ZFYVE26: variants seen among roughly 807,000 people sequenced by gnomAD.
ZFYVE26 encodes the protein zinc finger FYVE-type containing 26, also known as zinc finger FYVE domain-containing protein 26.
In ZFYVE26, 181 loss-of-function variants were observed where a neutral mutation model predicts 276.5. The ratio of observed to expected loss-of-function variants is 0.65; its 90% CI spans 0.58 to 0.74. ZFYVE26 has a LOEUF of 0.74. Among genes scored for constraint, ZFYVE26 ranks in the 30% least tolerant of loss-of-function variants. ZFYVE26 has a pLI of 0.00. For synonymous variants in ZFYVE26, 1,129 were observed against 1,203.1 expected (o/e 0.94, Z 1.27); for missense variants, 2,821 against 3,097.9 (o/e 0.91, Z 2.12).
intron 22 of ZFYVE26, 67 bp downstream of exon 22, chr14:67,781,265 TA>T: frequency 6.4e-7 from 1 of 1,565,750 alleles, no homozygotes. Context: ...CCCCATCATA[TA>T]AGATAGGTTG....
chr14:67,741,286 C>A (rs1271885729), intron 13 of ZFYVE26, among the ~76,000 whole-genome samples: 1 of 152,156 alleles, frequency 6.6e-6, no homozygotes, highest in Non-Finnish European at 1.5e-5. Context: ...GCACTGAGTT[C>A]CAGAGCCTTA....
At position 67,767,756 on chromosome 14, in the gene ZFYVE26, T is replaced by A; in HGVS notation, c.5738A>T (p.Asp1913Val). The A allele has an allele frequency of 6.2e-7, 1 of 1,614,188 alleles. No individual in the cohort carries two copies. The highest frequency in any genetic ancestry group is 8.5e-7 in the Non-Finnish European group (1 of 1,180,050). The change falls in exon 31 of 42, where the codon GAT becomes GTT. Residue 1913 changes from aspartate to valine, a missense_variant. Coordinates refer to ENST00000347230, the MANE Select transcript of ZFYVE26 (RefSeq NM_015346.4). ...CAGCTCATTTTCCTCCTCTTTGAGA[T>A]CCAAAATCCATTCCACCTCATCTGC... Reference protein sequence around the residue: ...PKADEVEWILDLKEEENELVR... With the variant: ...PKADEVEWILVLKEEENELVR...
intron 23 of ZFYVE26, among the ~76,000 whole-genome samples, chr14:67,779,198 G>A (rs1485047196): frequency 6.6e-6 from 1 of 151,966 alleles, no homozygotes. Context: ...AAATTTATTA[G>A]TTATCATGTA....
At chr14:67,759,619 G>C (rs1347272290) in intron 35 of ZFYVE26, among the ~76,000 whole-genome samples, 3 of 2,830 alleles carry the variant, frequency 1.1e-3, no homozygotes, top group Non-Finnish European at 2.6e-3. Flanking sequence ...CAAGACTCTG[G>C]CTCAAAAAAA....
intron 13 of ZFYVE26, among the ~76,000 whole-genome samples, chr14:67,740,961 C>T (rs1049479186): frequency 1.3e-5 from 2 of 151,856 alleles, no homozygotes; most frequent in Admixed American, 1.3e-4. Flanking sequence ...TTAAAGACTC[C>T]ATAGACAAAT....
At chr14:67,804,512 T>C (rs1252775474) in intron 8 of ZFYVE26, among the ~76,000 whole-genome samples, 2 of 152,100 alleles carry the variant, frequency 1.3e-5, no homozygotes, top group African/African-American at 2.4e-5. Flanking sequence ...ATCAGTAGGG[T>C]CTAGAAAGGT....
chr14:67,732,977 G>T (rs2038303590), intron 13 of ZFYVE26, among the ~76,000 whole-genome samples: 1 of 152,074 alleles, frequency 6.6e-6, no homozygotes, highest in Non-Finnish European at 1.5e-5. Flanking sequence ...CAAAAAACAT[G>T]GGGGGAGCGG....
In ZFYVE26 at chr14:67,782,193, G is replaced by A. The variant is rs2039518430; in HGVS notation, c.4372+587C>T. Among the ~76,000 whole-genome samples, 3 of 152,236 alleles carry A rather than the reference G, an allele frequency of 2.0e-5. No homozygotes were observed. In the South Asian group the frequency reaches 6.2e-4, roughly 32 times the overall value. ...GCAACACTGCTAGGAAATCCTAGTAGTGTTACAGCTCATTGGCTTTCCACT... is the reference window on the plus strand; with the variant it reads ...GCAACACTGCTAGGAAATCCTAGTAATGTTACAGCTCATTGGCTTTCCACT... On this transcript the variant is annotated intron_variant, in intron 21 of 41. Transcript: ENST00000347230.
rs199845933 is a variant in ZFYVE26, at chr14:67,785,124, C to T, written c.3458G>A (p.Gly1153Asp). Residue 1153 changes from glycine (G) to aspartate (D), a missense_variant, in exon 19 of 42, where the codon GGC becomes GAC. Transcript: ENST00000347230. The part of the protein sequence containing the change: ...PSGSRQMDYL[G>D]TFFSYCSTLA... ...GGTGCTGCAGTAACTGAAGAAGGTG[C>T]CCAAGTAGTCCATCTGCCTGCTGCC... 1.5e-5 allele frequency: 24 copies of T among 1,614,074 alleles called. No homozygotes were observed. In the East Asian group the frequency reaches 2.5e-4, roughly 16 times the overall value.
Position 67,807,888 on chromosome 14 carries a change from T to C in ZFYVE26, c.396A>G (p.Val132=). Reference sequence around the variant, plus strand: ...TTGGATTTCCGTCAGGCACGTGGCCTACTGCACCCTGTGTTAAGGTCTCAT... The same window carrying C: ...TTGGATTTCCGTCAGGCACGTGGCCCACTGCACCCTGTGTTAAGGTCTCAT... ...ELYETLTQGA[V]GHVPDGNPRR... Residue 132 remains valine (V), a synonymous_variant, in exon 5 of 42, where the codon GTA becomes GTG. Transcript: ENST00000347230. The C allele has an allele frequency of 6.2e-7, 1 of 1,614,162 alleles. No homozygotes were observed. The highest frequency in any genetic ancestry group is 1.1e-5 in the South Asian group (1 of 91,078).
intron 5 of ZFYVE26, 84 bp downstream of exon 5, chr14:67,807,314 G>A (rs776475561): frequency 1.6e-5 from 25 of 1,585,214 alleles, no homozygotes; most frequent in South Asian, 3.4e-5. Flanking sequence ...TGAGCCACAC[G>A]GAAGGCAGCA....
At position 67,762,677 on chromosome 14, in the gene ZFYVE26, C is replaced by T. The variant is rs201273304; in HGVS notation, c.6154G>A (p.Val2052Ile). 466 of 1,613,658 alleles carry T rather than the reference C, an allele frequency of 2.9e-4. No individual in the cohort carries two copies. The highest frequency in any genetic ancestry group is 3.7e-4 in the Non-Finnish European group (439 of 1,180,042). Residue 2052 changes from valine to isoleucine, a missense_variant, in exon 33 of 42, where the codon GTT becomes ATT. By Grantham distance (29) the Val-to-Ile change is conservative. Transcript: ENST00000347230. ...LLEAEYYQLG[V>I]EVSTKTGLDT... Reference sequence around the variant, plus strand: ...TGTCTTTGTCTTTGTCTCACCTCAACGCCCAGTTGGTAGTACTCGGCTTCC... The same window carrying T: ...TGTCTTTGTCTTTGTCTCACCTCAATGCCCAGTTGGTAGTACTCGGCTTCC...
intron 13 of ZFYVE26, chr14:67,734,133 G>T: frequency 2.9e-6 from 1 of 339,460 alleles, no homozygotes. Context: ...GCTGGGCATG[G>T]GGGTGGCAGA....
chr14:67,738,873 G>A (rs1397428658), intron 13 of ZFYVE26, among the ~76,000 whole-genome samples: 2 of 152,024 alleles, frequency 1.3e-5, no homozygotes, highest in South Asian at 2.1e-4. Flanking sequence ...TTAACTGATC[G>A]CAGTTGTTCT....
Position 67,811,840 on chromosome 14 carries a change from A to C in ZFYVE26, c.273+2146T>G, listed in dbSNP as rs147145820. On this transcript the variant is annotated intron_variant, in intron 3 of 41. Transcript: ENST00000347230. ...AATTGGTGTATTTAGTTACATATGA[A>C]ATATATAATATATAACATATATGAA... Among the ~76,000 whole-genome samples the C allele has an allele frequency of 3.0e-3, 435 of 147,264 alleles. 11 individuals are homozygous for C. The East Asian group carries it at 0.074, about 25-fold the overall frequency.
At chr14:67,769,499 T>G in intron 29 of ZFYVE26, 95 bp downstream of exon 29, 1 of 1,562,096 alleles carries the variant, frequency 6.4e-7, no homozygotes, top group Non-Finnish European at 8.8e-7. Flanking sequence ...TTTCTGGATT[T>G]GAAATGCTCT....
chr14:67,757,664 TTCTTTCTTTCTTTCTTTC>T (rs992406717), intron 35 of ZFYVE26, among the ~76,000 whole-genome samples: 10 of 138,966 alleles, frequency 7.2e-5, no homozygotes, highest in Admixed American at 2.7e-4. Context: ...CTTTCTTTCT[TTCTTTCTTTCTTTCTTTC>T]TCTCTCTCTT....
rs147864840 is a variant in ZFYVE26 at position 67,783,678 on chromosome 14, C to T, written c.3627-153G>A. The stretch of plus-strand genomic sequence containing the variant: ...AAAACACAAAAAGTAGCCTATTAGA[C>T]ATATCGCTCTGCCCTTTATGTTTTC... On this transcript the variant is annotated intron_variant, in intron 20 of 41. Coordinates refer to ENST00000347230, the MANE Select transcript of ZFYVE26 (RefSeq NM_015346.4). 1.8e-3 allele frequency among the ~76,000 whole-genome samples: 270 copies of T among 152,300 alleles called. 2 individuals are homozygous for T. Among genetic ancestry groups the T allele is most frequent in the African/African-American group, 6.1e-3 (254 of 41,556 alleles).
intron 23 of ZFYVE26, among the ~76,000 whole-genome samples, chr14:67,778,600 T>G (rs1459964835): frequency 6.6e-6 from 1 of 152,214 alleles, no homozygotes; most frequent in Non-Finnish European, 1.5e-5. Context: ...ATCATAAAAT[T>G]TCTGTATTTT....
Sources: gnomAD v4.1 joint callset for allele counts (sites outside exome capture counted in the v4.1 genomes callset) on GRCh38, gnomAD v4.1.1 for gene constraint, MANE v1.5 for transcripts, NCBI Gene and HGNC (gene_info 2026-07-23, HGNC 2026-07-21) for gene names.